EHBP1: variants seen among roughly 807,000 people sequenced by gnomAD.
The protein encoded by EHBP1 is EH domain binding protein 1.
In EHBP1, 55 loss-of-function variants were observed where a neutral mutation model predicts 144.0. The observed-to-expected ratio is 0.38, with a 90% confidence interval of 0.31 to 0.48. The LOEUF (loss-of-function observed/expected upper bound fraction) is 0.48, where lower values mean the gene tolerates loss of function less well. EHBP1 is among the 20% of genes least tolerant of loss of function. The pLI, the probability that EHBP1 is intolerant of heterozygous loss-of-function variation, is 0.98. For missense variants in EHBP1, 1,200 were observed against 1,364.2 expected (o/e 0.88, Z 1.90); for synonymous variants, 469 against 472.7 (o/e 0.99, Z 0.10).
intron 19 of EHBP1, among the ~76,000 whole-genome samples, chr2:63,025,859 G>T (rs868072018): frequency 1.9e-4 from 29 of 152,276 alleles, no homozygotes; most frequent in Middle Eastern, 3.4e-3. Context: ...TGAACAAAAT[G>T]GCAATTAGCA....
At chr2:62,923,581 C>G (rs903646075) in intron 10 of EHBP1, among the ~76,000 whole-genome samples, 3 of 152,164 alleles carry the variant, frequency 2.0e-5, no homozygotes, top group African/African-American at 7.2e-5. Context: ...CACCCATGCC[C>G]CAGGAGTGAG....
intron 7 of EHBP1, among the ~76,000 whole-genome samples, chr2:62,848,294 T>C (rs1239857640): frequency 6.6e-6 from 1 of 151,792 alleles, no homozygotes; most frequent in African/African-American, 2.4e-5. Flanking sequence ...TGTTGGCCAG[T>C]CTGGCCTCGA....
intron 4 of EHBP1, among the ~76,000 whole-genome samples, chr2:62,769,129 A>G (rs1432014386): frequency 6.6e-6 from 1 of 152,204 alleles, no homozygotes; most frequent in African/African-American, 2.4e-5. Flanking sequence ...CACCACTCCT[A>G]TTTAACTTAG....
Position 62,955,668 on chromosome 2 carries a change from G to A in EHBP1, c.2460+8G>A, listed in dbSNP as rs775123826. On this transcript the variant is annotated splice_region_variant and intron_variant, in intron 14 of 22. Transcript: ENST00000431489. ...AACAGGCAGCTAAGTGATGTGAGGAGCATTGGTTAAAAAAGACCATAAGTT... is the reference window on the plus strand; with the variant it reads ...AACAGGCAGCTAAGTGATGTGAGGAACATTGGTTAAAAAAGACCATAAGTT... 1 of 1,599,470 alleles carries A rather than the reference G, an allele frequency of 6.3e-7. No homozygotes were observed. The highest frequency in any genetic ancestry group is 8.5e-7 in the Non-Finnish European group (1 of 1,174,266).
At chr2:62,930,815 G>T (rs917628488) in intron 10 of EHBP1, among the ~76,000 whole-genome samples, 1 of 152,158 alleles carries the variant, frequency 6.6e-6, no homozygotes, top group African/African-American at 2.4e-5. Context: ...TGGAAAATTA[G>T]ATGTCACATG....
At position 62,864,802 on chromosome 2, in the gene EHBP1, A is replaced by G. The variant is rs369390345; in HGVS notation, c.829A>G (p.Lys277Glu). The change falls in exon 9 of 23, where the codon AAA (lysine) becomes GAA (glutamate). Residue 277 changes from lysine to glutamate, a missense_variant. Transcript: ENST00000431489. ...TTATAATAACAGCTATAATCCCTTT[A>G]AAGAGGTGCAGACTCCACAGTATTT... Reference protein sequence around the residue: ...SFYNNSYNPFKEVQTPQYLNP... With the variant: ...SFYNNSYNPFEEVQTPQYLNP... 6.2e-7 allele frequency: 1 copy of G among 1,613,952 alleles called. No homozygotes were observed. Among genetic ancestry groups the G allele is most frequent in the African/African-American group, 1.3e-5 (1 of 74,932 alleles).
chr2:62,726,682 C>T (rs1405261587), intron 2 of EHBP1: 3 of 152,150 alleles, frequency 2.0e-5, no homozygotes, highest in Admixed American at 1.3e-4. Context: ...AAGAATAGAA[C>T]TAGGAGTTCA....
intron 3 of EHBP1, among the ~76,000 whole-genome samples, chr2:62,757,998 C>G (rs2040451672): frequency 6.9e-6 from 1 of 145,974 alleles, no homozygotes; most frequent in Non-Finnish European, 1.5e-5. Context: ...GGCGAAAGAG[C>G]GAGACTCTGT....
At chr2:62,747,073 T>G (rs946807212) in intron 2 of EHBP1, among the ~76,000 whole-genome samples, 1 of 152,122 alleles carries the variant, frequency 6.6e-6, no homozygotes, top group African/African-American at 2.4e-5. Flanking sequence ...GTGTTAGAAG[T>G]ATGGTGTTAA....
intron 2 of EHBP1, among the ~76,000 whole-genome samples, chr2:62,734,425 AAT>A (rs1406821550): frequency 1.3e-5 from 2 of 149,884 alleles, no homozygotes; most frequent in Non-Finnish European, 3.0e-5. Flanking sequence ...AGATGTTTCA[AAT>A]ATATATATAT....
At chr2:62,921,992 T>C (rs1450628955) in intron 10 of EHBP1, among the ~76,000 whole-genome samples, 1 of 152,146 alleles carries the variant, frequency 6.6e-6, no homozygotes, top group Non-Finnish European at 1.5e-5. Context: ...CTGGCCAAGA[T>C]GGTGAAAACC....
chr2:62,824,972 A>G (rs2046243705), intron 5 of EHBP1, among the ~76,000 whole-genome samples: 1 of 151,950 alleles, frequency 6.6e-6, no homozygotes, highest in East Asian at 1.9e-4. Context: ...ATAATTATAG[A>G]ACTTGAATGG....
intron 7 of EHBP1, among the ~76,000 whole-genome samples, chr2:62,831,843 CT>C (rs971377713): frequency 6.6e-6 from 1 of 152,154 alleles, no homozygotes; most frequent in Admixed American, 6.5e-5. Context: ...CTTCTATCAT[CT>C]GTTTACCTCC....
chr2:62,972,805 T>G (rs1340882782), intron 14 of EHBP1, among the ~76,000 whole-genome samples: 1 of 152,224 alleles, frequency 6.6e-6, no homozygotes, highest in Non-Finnish European at 1.5e-5. Context: ...CCATAAACTT[T>G]GTTTACTGTA....
intron 5 of EHBP1, among the ~76,000 whole-genome samples, chr2:62,812,437 T>C (rs2045090829): frequency 6.6e-6 from 1 of 152,186 alleles, no homozygotes; most frequent in South Asian, 2.1e-4. Flanking sequence ...CCTAGATTCC[T>C]ATGAATAGAG....
intron 19 of EHBP1, among the ~76,000 whole-genome samples, chr2:63,022,046 G>A (rs140821263): frequency 1.6e-3 from 250 of 151,910 alleles, no homozygotes; most frequent in African/African-American, 5.8e-3. Context: ...CATTACAGGA[G>A]TGAGCCACCG....
At chr2:62,932,015 A>G (rs1356255920) in intron 10 of EHBP1, among the ~76,000 whole-genome samples, 1 of 151,974 alleles carries the variant, frequency 6.6e-6, no homozygotes, top group Non-Finnish European at 1.5e-5. Flanking sequence ...CATCTCTACT[A>G]AAAATATAAA....
chr2:62,976,464 A>G (rs1414867520), intron 14 of EHBP1, among the ~76,000 whole-genome samples: 3 of 152,152 alleles, frequency 2.0e-5, no homozygotes, highest in Non-Finnish European at 2.9e-5. Flanking sequence ...TGTCTCACCA[A>G]GTTTCATTGC....
At chr2:62,713,993 C>T (rs2035414281) in intron 2 of EHBP1, among the ~76,000 whole-genome samples, 1 of 152,146 alleles carries the variant, frequency 6.6e-6, no homozygotes, top group South Asian at 2.1e-4. Flanking sequence ...GATGTGCTTA[C>T]ATCATGATTA....
Sources: gnomAD v4.1 joint callset for allele counts (sites outside exome capture counted in the v4.1 genomes callset) on GRCh38, gnomAD v4.1.1 for gene constraint, MANE v1.5 for transcripts, NCBI Gene and HGNC (gene_info 2026-07-23, HGNC 2026-07-21) for gene names.